CTNNA2: variants seen among roughly 807,000 people sequenced by gnomAD.
CTNNA2 encodes the protein catenin alpha 2.
In CTNNA2, 42 loss-of-function variants were observed where a neutral mutation model predicts 101.0. The ratio of observed to expected loss-of-function variants is 0.42; its 90% confidence interval spans 0.32 to 0.54. The LOEUF is 0.54. CTNNA2 is among the 20% of genes least tolerant of loss of function. The pLI, the probability that CTNNA2 is intolerant of heterozygous loss-of-function variation, is 0.14. For missense variants in CTNNA2, 871 were observed against 1,223.1 expected, an observed-to-expected ratio of 0.71 and a Z score of 4.29; for synonymous variants, 450 against 456.4, an observed-to-expected ratio of 0.99 and a Z score of 0.18.
chr2:79,596,614 C>A (rs1365958551), intron 1 of CTNNA2, among the ~76,000 whole-genome samples: 3 of 152,160 alleles, frequency 2.0e-5, no homozygotes, highest in Non-Finnish European at 4.4e-5. Context: ...AGAGCATCTG[C>A]AAAAGAAAGG....
intron 2 of CTNNA2, among the ~76,000 whole-genome samples, chr2:79,720,302 A>G (rs549635601): frequency 2.4e-4 from 37 of 152,232 alleles, no homozygotes; most frequent in African/African-American, 8.9e-4. Context: ...ATAGCCTTAT[A>G]GTATAGTTTG....
At chr2:80,542,107 A>G (rs1691614668) in intron 9 of CTNNA2, among the ~76,000 whole-genome samples, 1 of 117,198 alleles carries the variant, frequency 8.5e-6, no homozygotes, top group South Asian at 3.1e-4. Context: ...TAAAAGCTAT[A>G]GATTCTTTTT....
At chr2:79,694,947 GA>G (rs1240069887) in intron 2 of CTNNA2, among the ~76,000 whole-genome samples, 2 of 151,128 alleles carry the variant, frequency 1.3e-5, no homozygotes, top group Non-Finnish European at 2.9e-5. Context: ...GTTGTTACAG[GA>G]AAATTACCTG....
intron 8 of CTNNA2, among the ~76,000 whole-genome samples, chr2:80,404,973 A>G (rs1678929798): frequency 6.6e-6 from 1 of 152,222 alleles, no homozygotes. Flanking sequence ...AGACGTACAA[A>G]TATTAAACAT....
At chr2:80,050,476 C>T (rs1055464018) in intron 7 of CTNNA2, among the ~76,000 whole-genome samples, 1 of 152,176 alleles carries the variant, frequency 6.6e-6, no homozygotes, top group African/African-American at 2.4e-5. Flanking sequence ...ATGTCCCTTG[C>T]ATTGTGCTCC....
intron 7 of CTNNA2, among the ~76,000 whole-genome samples, chr2:80,105,921 ACACATGTTCTCACTTACTAGTGTT>A (rs1700859049): frequency 6.6e-6 from 1 of 152,178 alleles, no homozygotes; most frequent in South Asian, 2.1e-4. Flanking sequence ...CATTAGAGTC[ACACATGTTCTCACTTACTAGTGTT>A]ACCCACACAA....
chr2:80,056,097 C>T (rs1317057934), intron 7 of CTNNA2, among the ~76,000 whole-genome samples: 1 of 152,174 alleles, frequency 6.6e-6, no homozygotes, highest in Non-Finnish European at 1.5e-5. Flanking sequence ...CCACAACCAT[C>T]AGAAATCCAC....
chr2:80,515,545 G>T (rs1447698312), intron 9 of CTNNA2, among the ~76,000 whole-genome samples: 1 of 152,206 alleles, frequency 6.6e-6, no homozygotes, highest in Admixed American at 6.5e-5. Flanking sequence ...GCTAGAAATT[G>T]ATTATTTCAG....
intron 12 of CTNNA2, among the ~76,000 whole-genome samples, chr2:80,562,471 C>A (rs1693695386): frequency 6.6e-6 from 1 of 152,160 alleles, no homozygotes; most frequent in Non-Finnish European, 1.5e-5. Flanking sequence ...AATATATATA[C>A]TCTGTTAAGG....
At chr2:79,482,732 G>C (rs111657366) in intron 4 of CTNNA2, among the ~76,000 whole-genome samples, 1 of 152,142 alleles carries the variant, frequency 6.6e-6, no homozygotes, top group East Asian at 1.9e-4. Flanking sequence ...ATTCATTTAT[G>C]CCAAGAGAAC....
chr2:80,351,785 C>G (rs1232423868), intron 7 of CTNNA2, among the ~76,000 whole-genome samples: 3 of 152,056 alleles, frequency 2.0e-5, no homozygotes, highest in Admixed American at 6.6e-5. Flanking sequence ...CTTTAGTCTA[C>G]CAGTTTGGGC....
intron 16 of CTNNA2, among the ~76,000 whole-genome samples, chr2:80,606,627 A>G (rs1236959384): frequency 2.6e-5 from 4 of 151,964 alleles, no homozygotes; most frequent in Non-Finnish European, 4.4e-5. Flanking sequence ...TTTAGGAGTT[A>G]TTTTCCTTGA....
chr2:80,640,277 A>G (rs1038907549), intron 18 of CTNNA2, among the ~76,000 whole-genome samples: 2 of 152,164 alleles, frequency 1.3e-5, no homozygotes, highest in Non-Finnish European at 2.9e-5. Flanking sequence ...TGGGAGGTAA[A>G]TAAGTTTCCT....
intron 4 of CTNNA2, among the ~76,000 whole-genome samples, chr2:79,380,045 C>T (rs1678021846): frequency 6.6e-6 from 1 of 152,128 alleles, no homozygotes; most frequent in Admixed American, 6.6e-5. Flanking sequence ...TGTGCTGCTG[C>T]AATTTATTGT....
intron 7 of CTNNA2, among the ~76,000 whole-genome samples, chr2:80,282,803 T>C (rs1280260938): frequency 6.6e-6 from 1 of 152,154 alleles, no homozygotes; most frequent in Non-Finnish European, 1.5e-5. Flanking sequence ...CTGAGCAAGC[T>C]TCTCTAGATG....
chr2:80,494,758 T>G (rs1186870161), intron 9 of CTNNA2, among the ~76,000 whole-genome samples: 2 of 133,906 alleles, frequency 1.5e-5, no homozygotes, highest in Non-Finnish European at 3.3e-5. Context: ...AAGGCAAATT[T>G]ATGACTCATA....
intron 1 of CTNNA2, among the ~76,000 whole-genome samples, chr2:79,638,113 T>C (rs2104401954): frequency 6.6e-6 from 1 of 152,318 alleles, no homozygotes; most frequent in South Asian, 2.1e-4. Flanking sequence ...TTGCTAATTA[T>C]AATAAACTTC....
intron 7 of CTNNA2, among the ~76,000 whole-genome samples, chr2:79,936,166 A>AT (rs753249714): frequency 4.0e-3 from 577 of 146,050 alleles, no homozygotes; most frequent in African/African-American, 9.6e-3. Flanking sequence ...GTTTGATTCT[A>AT]TTTTTTTTTT....
chr2:79,186,122 C>A (rs914382744), intron 1 of CTNNA2, among the ~76,000 whole-genome samples: 1 of 152,068 alleles, frequency 6.6e-6, no homozygotes, highest in African/African-American at 2.4e-5. Context: ...AGGCTAGGTG[C>A]CTGGGGTTTT....
Sources: allele counts gnomAD v4.1 joint callset (sites outside exome capture counted in the v4.1 genomes callset), GRCh38; gene constraint gnomAD v4.1.1; transcripts MANE v1.5; gene names NCBI Gene and HGNC (gene_info 2026-07-23, HGNC 2026-07-21).